Variants in EVC2 observed in about 807,000 individuals in gnomAD.
EVC2 encodes limbin.
In EVC2, 148 loss-of-function variants were observed where a neutral mutation model predicts 149.3. The observed-to-expected ratio is 0.99, with a 90% confidence interval of 0.87 to 1.14. The LOEUF is 1.14. Ranked by LOEUF, EVC2 falls within the 50% of genes most tolerant of loss-of-function variation. The pLI, the probability that EVC2 is intolerant of heterozygous loss-of-function variation, is 0.00. For synonymous variants in EVC2, 776 were observed against 649.9 expected (o/e 1.19, Z -2.95); for missense variants, 1,854 against 1,627.3 (o/e 1.14, Z -2.40).
At chr4:5,609,739 T>C (rs893606211) in intron 16 of EVC2, among the ~76,000 whole-genome samples, 4 of 152,208 alleles carry the variant, frequency 2.6e-5, no homozygotes, top group African/African-American at 7.2e-5. Flanking sequence ...ATAACCGCCA[T>C]TGTTTGGTGA....
In EVC2 at chr4:5,576,307, G is replaced by A. The variant is rs144167138; in HGVS notation, c.3205C>T (p.Gln1069Ter). ...NEPGEVDSER[Q>*]VSTVLHQALS... is the part of the protein sequence containing the mutation. Reference sequence around the variant, plus strand: ...GCTTGGTGCAGGACAGTAGAGACCTGCCTTTCAGAATCCACCTCCCCAGGT... The same window carrying A: ...GCTTGGTGCAGGACAGTAGAGACCTACCTTTCAGAATCCACCTCCCCAGGT... The change falls in exon 18 of 22, where the codon CAG becomes TAG. Residue 1069 changes from glutamine (Q) to a stop codon, truncating the protein, a stop_gained. Coordinates refer to ENST00000344408, the MANE Select transcript of EVC2 (RefSeq NM_147127.5). LOFTEE classifies it high-confidence loss of function. This position sits in a 1 kb window ranked among gnomAD's most constrained non-coding sequence, Gnocchi z 4.5. The A allele has an allele frequency of 6.2e-7, 1 of 1,614,062 alleles. No individual in the cohort carries two copies. The highest frequency in any genetic ancestry group is 1.3e-5 in the African/African-American group (1 of 74,904).
At chr4:5,634,016 C>T (rs1215160120) in intron 10 of EVC2, among the ~76,000 whole-genome samples, 1 of 152,190 alleles carries the variant, frequency 6.6e-6, no homozygotes, top group Non-Finnish European at 1.5e-5. Flanking sequence ...GGTCCAAGGG[C>T]CAACACATGG....
chr4:5,626,694 A>G (rs940620671), intron 12 of EVC2, among the ~76,000 whole-genome samples: 1 of 152,112 alleles, frequency 6.6e-6, no homozygotes, highest in Non-Finnish European at 1.5e-5. Flanking sequence ...CATTTTAATC[A>G]GTGGACTCAG....
chr4:5,581,421 T>C (rs554051213), intron 17 of EVC2, among the ~76,000 whole-genome samples: 78 of 152,352 alleles, frequency 5.1e-4, no homozygotes, highest in African/African-American at 1.6e-3. Flanking sequence ...CAGATGGAGA[T>C]GAGGAACTCA....
At chr4:5,673,902 C>T (rs183628608) in intron 7 of EVC2, among the ~76,000 whole-genome samples, 31 of 152,306 alleles carry the variant, frequency 2.0e-4, no homozygotes, top group African/African-American at 7.2e-4. Context: ...TTTTATTCTT[C>T]CAACTTTTCT....
Position 5,625,961 on chromosome 4 carries a change from C to G in EVC2, c.1887-53G>C. ...ATGTGGTCTCCAAACTCACCTGTAG[C>G]TTAACTGCTATTGTGCCTGAACATT... On this transcript the variant is annotated intron_variant, in intron 12 of 21. Coordinates refer to ENST00000344408, the MANE Select transcript of EVC2 (RefSeq NM_147127.5). The surrounding 1 kb of genome is among the most constrained non-coding windows in gnomAD (Gnocchi z 4.0). The G allele has an allele frequency of 6.2e-7, 1 of 1,604,284 alleles. No homozygotes were observed. Among genetic ancestry groups the G allele is most frequent in the Non-Finnish European group, 8.5e-7 (1 of 1,173,154 alleles).
chr4:5,608,046 T>C (rs1203405142), intron 16 of EVC2, among the ~76,000 whole-genome samples: 2 of 152,036 alleles, frequency 1.3e-5, no homozygotes, highest in Non-Finnish European at 2.9e-5. Flanking sequence ...TCCCGGGCTA[T>C]GGAGGCAGAC....
rs1475117851 is a variant in EVC2 at position 5,685,400 on chromosome 4, A to G, written c.786T>C (p.Pro262=). ...ACGAGCTCTGAAAGGTGAGTTGGGCAGGAAGCTTGAGGCTCTCCCCGTTCC... is the reference window on the plus strand; with the variant it reads ...ACGAGCTCTGAAAGGTGAGTTGGGCGGGAAGCTTGAGGCTCTCCCCGTTCC... ...DLGNGESLKL[P]AQLTFQSSSR... Residue 262 remains proline, a synonymous_variant, in exon 6 of 22, where the codon CCT becomes CCC. Transcript: ENST00000344408. 6.2e-7 allele frequency: 1 copy of G among 1,614,242 alleles called. No homozygotes were observed. The highest frequency in any genetic ancestry group is 8.5e-7 in the Non-Finnish European group (1 of 1,180,038).
chr4:5,604,379 C>T (rs1390169952), intron 16 of EVC2, among the ~76,000 whole-genome samples: 9 of 152,256 alleles, frequency 5.9e-5, no homozygotes, highest in African/African-American at 2.2e-4. Context: ...GTTTGAATTG[C>T]CTGTTTCCAC....
At chr4:5,646,857 T>C (rs986239859) in intron 9 of EVC2, among the ~76,000 whole-genome samples, 3 of 152,124 alleles carry the variant, frequency 2.0e-5, no homozygotes, top group Non-Finnish European at 4.4e-5. Context: ...TAATGCCAGA[T>C]TGGTAAATTA....
exon 22 of EVC2, chr4:5,543,063 C>T: frequency 9.3e-7 from 1 of 1,072,318 alleles, no homozygotes; most frequent in Non-Finnish European, 1.3e-6. Context: ...CAAACAGAGG[C>T]TCCAACGATT....
At chr4:5,595,377 A>G (rs1713288959) in intron 16 of EVC2, among the ~76,000 whole-genome samples, 1 of 152,244 alleles carries the variant, frequency 6.6e-6, no homozygotes, top group Non-Finnish European at 1.5e-5. Flanking sequence ...CGCTAGGCAG[A>G]AACTCTACAA....
intron 9 of EVC2, among the ~76,000 whole-genome samples, chr4:5,662,864 G>T (rs973912369): frequency 6.6e-6 from 1 of 151,698 alleles, no homozygotes; most frequent in African/African-American, 2.4e-5. Flanking sequence ...CAATTCTGTG[G>T]TCACTTCTGT....
chr4:5,657,898 C>T lies in EVC2; in HGVS notation c.1145+5209G>A, dbSNP rs1283870355. Among the ~76,000 whole-genome samples the T allele has an allele frequency of 6.6e-6, 1 of 152,134 alleles. No homozygotes were observed. Among genetic ancestry groups the T allele is most frequent in the Non-Finnish European group, 1.5e-5 (1 of 68,042 alleles). On this transcript the variant is annotated intron_variant, in intron 9 of 21. Transcript: ENST00000344408. This position sits in a 1 kb window ranked among gnomAD's most constrained non-coding sequence, Gnocchi z 4.7. ...GTGCCCTCTACACCTCCCACCCTGG[C>T]CTGGTCCTCTTTTGGGTCCTCAAAT...
rs375732901 is a variant in EVC2 at position 5,681,008 on chromosome 4, C to T, written c.870+252G>A. On this transcript the variant is annotated intron_variant, in intron 7 of 21. Transcript: ENST00000344408. ...GAGCGTGACTGGACAGTAGCACAGA[C>T]GGGCTGTGGAGCCTCAGCCTGTCCA... Among the ~76,000 whole-genome samples the T allele has an allele frequency of 1.1e-4, 17 of 152,320 alleles. 1 individual carries two copies. The highest frequency in any genetic ancestry group is 1.0e-3 in the South Asian group (5 of 4,830).
chr4:5,704,811 T>C (rs1722032540), intron 1 of EVC2, among the ~76,000 whole-genome samples: 1 of 152,092 alleles, frequency 6.6e-6, no homozygotes, highest in Non-Finnish European at 1.5e-5. Context: ...TTTCAAGCCA[T>C]CTTCCTGCCT....
Position 5,584,731 on chromosome 4 carries a change from C to T in EVC2, c.2949G>A (p.Ser983=), listed in dbSNP as rs755297128. 7.4e-6 allele frequency: 12 copies of T among 1,614,100 alleles called. No individual in the cohort carries two copies. Among genetic ancestry groups the T allele is most frequent in the Admixed American group, 5.0e-5 (3 of 60,022 alleles). The change falls in exon 17 of 22, where the codon TCG becomes TCA. Residue 983 remains serine, a synonymous_variant. Transcript: ENST00000344408. Reference sequence around the variant, plus strand: ...GGATGCTGAGGAGGGCGGTGTAGGCCGACAGAGTCTCGGTCACCCGGGACG... The same window carrying T: ...GGATGCTGAGGAGGGCGGTGTAGGCTGACAGAGTCTCGGTCACCCGGGACG... ...QKASRVTETL[S]AYTALLSIQD...
At chr4:5,610,343 A>G (rs1245540513) in intron 16 of EVC2, among the ~76,000 whole-genome samples, 1 of 152,192 alleles carries the variant, frequency 6.6e-6, no homozygotes, top group African/African-American at 2.4e-5. Flanking sequence ...AAACAAAGGA[A>G]GTAGGCACCA....
In EVC2 at chr4:5,576,626, C is replaced by G. The variant is rs1169540649; in HGVS notation, c.3058-172G>C. ...TGTGAGTGCACCACGATCTCTCACC[C>G]CTGTGTCACCTCCATGCCTCCACAT... On this transcript the variant is annotated intron_variant, in intron 17 of 21. Coordinates refer to ENST00000344408, the MANE Select transcript of EVC2 (RefSeq NM_147127.5). The surrounding 1 kb of genome is among the most constrained non-coding windows in gnomAD (Gnocchi z 4.5). Among the ~76,000 whole-genome samples the G allele has an allele frequency of 1.3e-5, 2 of 152,184 alleles. No individual in the cohort carries two copies. The highest frequency in any genetic ancestry group is 2.9e-5 in the Non-Finnish European group (2 of 68,028).
Sources: gnomAD v4.1 joint callset for allele counts (sites outside exome capture counted in the v4.1 genomes callset) on GRCh38, gnomAD v4.1.1 for gene constraint, Gnocchi (gnomAD v3.1) non-coding constraint, MANE v1.5 for transcripts, NCBI Gene and HGNC (gene_info 2026-07-23, HGNC 2026-07-21) for gene names.